Variants in IL17RD observed in about 807,000 individuals in gnomAD.
IL17RD encodes the protein interleukin 17 receptor D, also known as interleukin-17 receptor D.
IL17RD carries 52 observed loss-of-function variants against 80.5 expected under a neutral mutation model. The observed-to-expected ratio is 0.65, with a 90% CI of 0.52 to 0.81. The LOEUF is 0.81. Ranked by LOEUF, IL17RD falls within the 40% of genes least tolerant of loss-of-function variation. The pLI, the probability that IL17RD is intolerant of heterozygous loss-of-function variation, is 0.00. For synonymous variants in IL17RD, 416 were observed against 391.8 expected (o/e 1.06, Z -0.73); for missense variants, 1,024 against 955.1 (o/e 1.07, Z -0.95).
intron 1 of IL17RD, among the ~76,000 whole-genome samples, chr3:57,154,283 T>TATACACACACACACACACAC (rs904157398): frequency 1.8e-5 from 2 of 112,906 alleles, no homozygotes; most frequent in African/African-American, 6.3e-5. Flanking sequence ...TATATATATA[T>TATACACACACACACACACAC]ACACACACAC....
intron 1 of IL17RD, among the ~76,000 whole-genome samples, chr3:57,129,877 T>C (rs1707570907): frequency 6.6e-6 from 1 of 152,182 alleles, no homozygotes; most frequent in Non-Finnish European, 1.5e-5. Flanking sequence ...TTCCCCCACT[T>C]TCTCTAGGAA....
intron 1 of IL17RD, among the ~76,000 whole-genome samples, chr3:57,146,606 T>C (rs1707935245): frequency 6.6e-6 from 1 of 151,628 alleles, no homozygotes; most frequent in African/African-American, 2.4e-5. Flanking sequence ...CAAAATTAGC[T>C]GAGCGTGATG....
intron 2 of IL17RD, 144 bp from the exon 3 acceptor site, chr3:57,114,961 A>C: frequency 1.7e-6 from 1 of 599,286 alleles, no homozygotes; most frequent in Non-Finnish European, 2.8e-6. Context: ...CCAAAATAAG[A>C]CATGAGAGGT....
At chr3:57,135,382 T>G (rs560996464) in intron 1 of IL17RD, among the ~76,000 whole-genome samples, 220 of 152,364 alleles carry the variant, frequency 1.4e-3, no homozygotes, top group Non-Finnish European at 2.4e-3. Flanking sequence ...GGTGGGATGC[T>G]CAATGATTCT....
chr3:57,102,562 C>G lies in IL17RD; in HGVS notation c.896G>C (p.Arg299Thr), dbSNP rs1295198461. 1.3e-6 allele frequency: 2 copies of G among 1,577,558 alleles called. No homozygotes were observed. The highest frequency in any genetic ancestry group is 4.5e-5 in the East Asian group (2 of 43,968). Residue 299 changes from arginine (R) to threonine (T), a missense_variant, in exon 10 of 13, where the codon AGA (arginine) becomes ACA (threonine). Coordinates refer to ENST00000296318, the MANE Select transcript of IL17RD (RefSeq NM_017563.5). ...PVHSPWAGPIRAVAITVPLVV... is the reference protein window; with the variant it reads ...PVHSPWAGPITAVAITVPLVV... ...CAGTGGCACTGTGATGGCCACGGCT[C>G]TGATGGGCCCGGCCCACGGGGAGTG...
upstream of IL17RD, chr3:57,169,394 G>A (rs1262039937): frequency 3.0e-6 from 1 of 338,968 alleles, no homozygotes; most frequent in Non-Finnish European, 6.0e-6. Context: ...TTGGAACAAA[G>A]CTGAGAATTA....
chr3:57,096,555 G>A, intron 12 of IL17RD, 50 bp from the exon 13 acceptor site: 2 of 1,273,238 alleles, frequency 1.6e-6, no homozygotes, highest in Non-Finnish European at 2.3e-6. Context: ...ATTTCACTGG[G>A]CTGGGCAGGT....
intron 1 of IL17RD, among the ~76,000 whole-genome samples, chr3:57,132,281 G>A (rs1210101161): frequency 6.6e-6 from 1 of 151,762 alleles, no homozygotes. Flanking sequence ...GACCAGCCTG[G>A]TCAACATGGC....
intron 3 of IL17RD, among the ~76,000 whole-genome samples, chr3:57,113,559 G>A (rs529920462): frequency 6.6e-6 from 1 of 152,056 alleles, no homozygotes; most frequent in African/African-American, 2.4e-5. Context: ...TAAAGAGACA[G>A]GGTCTCTCAC....
chr3:57,163,919 T>C (rs1559489849), intron 1 of IL17RD, among the ~76,000 whole-genome samples: 1 of 151,958 alleles, frequency 6.6e-6, no homozygotes, highest in Non-Finnish European at 1.5e-5. Flanking sequence ...ACCACATTTC[T>C]TGGGACTGTG....
At chr3:57,120,051 C>T (rs1707299806) in intron 2 of IL17RD, among the ~76,000 whole-genome samples, 1 of 152,206 alleles carries the variant, frequency 6.6e-6, no homozygotes, top group African/African-American at 2.4e-5. Flanking sequence ...CTTTTCTGAA[C>T]ACTATGGAAG....
At chr3:57,164,936 A>C in intron 1 of IL17RD, 1 of 1,287,248 alleles carries the variant, frequency 7.8e-7, no homozygotes, top group Non-Finnish European at 9.8e-7. Flanking sequence ...CTCATTAGCA[A>C]CACAAAGCCG....
At chr3:57,163,035 C>G (rs941633065) in intron 1 of IL17RD, among the ~76,000 whole-genome samples, 2 of 152,036 alleles carry the variant, frequency 1.3e-5, no homozygotes, top group Non-Finnish European at 2.9e-5. Flanking sequence ...GGCATCCATC[C>G]GGAGTTAGGA....
intron 3 of IL17RD, among the ~76,000 whole-genome samples, chr3:57,110,753 A>T: frequency 6.6e-6 from 1 of 152,216 alleles, no homozygotes. Flanking sequence ...ATTTTTTGGC[A>T]CATCTCACTG....
At chr3:57,123,674 C>T (rs1707386945) in intron 1 of IL17RD, among the ~76,000 whole-genome samples, 1 of 152,180 alleles carries the variant, frequency 6.6e-6, no homozygotes, top group African/African-American at 2.4e-5. Context: ...TCATAAGACC[C>T]CGTGGCCATC....
chr3:57,126,325 G>C (rs1707458322), intron 1 of IL17RD, among the ~76,000 whole-genome samples: 1 of 152,152 alleles, frequency 6.6e-6, no homozygotes, highest in Non-Finnish European at 1.5e-5. Flanking sequence ...GGTGCTCTAT[G>C]GTCAGTAGGG....
At chr3:57,161,206 A>G (rs1287786565) in intron 1 of IL17RD, among the ~76,000 whole-genome samples, 1 of 152,244 alleles carries the variant, frequency 6.6e-6, no homozygotes, top group Admixed American at 6.5e-5. Flanking sequence ...AGAATTCTGT[A>G]ACAGACACAA....
intron 1 of IL17RD, among the ~76,000 whole-genome samples, chr3:57,156,711 A>C (rs1331438910): frequency 6.6e-6 from 1 of 152,160 alleles, no homozygotes; most frequent in East Asian, 1.9e-4. Context: ...ACCACTTCTG[A>C]CAGAACATAC....
At chr3:57,119,415 G>T (rs1579281786) in intron 2 of IL17RD, among the ~76,000 whole-genome samples, 2 of 152,118 alleles carry the variant, frequency 1.3e-5, no homozygotes, top group South Asian at 2.1e-4. Context: ...TGTAATCCCA[G>T]CTGCTCAGGA....
Sources: allele counts gnomAD v4.1 joint callset (sites outside exome capture counted in the v4.1 genomes callset), GRCh38; gene constraint gnomAD v4.1.1; transcripts MANE v1.5; gene names NCBI Gene and HGNC (gene_info 2026-07-23, HGNC 2026-07-21).